The following LAMA2 variants were observed in gnomAD, a reference collection of about 807,000 sequenced individuals.
The protein encoded by LAMA2 is laminin subunit alpha-2.
Under a neutral mutation model 364.8 loss-of-function variants are expected in LAMA2, and 269 were observed. The observed-to-expected ratio is 0.74, with a 90% CI of 0.67 to 0.82. LAMA2 has a LOEUF of 0.82. Among genes scored for constraint, LAMA2 ranks in the 40% least tolerant of loss-of-function variants. The pLI is 0.00. For missense variants in LAMA2, 3,807 were observed against 3,873.2 expected, an observed-to-expected ratio of 0.98 and a Z score of 0.45; for synonymous variants, 1,379 against 1,370.6, an observed-to-expected ratio of 1.01 and a Z score of -0.14.
intron 35 of LAMA2, among the ~76,000 whole-genome samples, chr6:129,387,163 T>G (rs1181667540): frequency 6.6e-6 from 1 of 152,230 alleles, no homozygotes; most frequent in Admixed American, 6.5e-5. Context: ...CATGTTTTTA[T>G]TTTCCTTTTT....
At chr6:128,998,386 G>T (rs1474477083) in intron 1 of LAMA2, among the ~76,000 whole-genome samples, 1 of 69,146 alleles carries the variant, frequency 1.4e-5, no homozygotes, top group Non-Finnish European at 2.7e-5. Flanking sequence ...TATGATGACA[G>T]GGGGAGGAGC....
intron 3 of LAMA2, among the ~76,000 whole-genome samples, chr6:129,082,777 G>A (rs534396728): frequency 6.6e-6 from 1 of 151,858 alleles, no homozygotes; most frequent in Non-Finnish European, 1.5e-5. Flanking sequence ...ATAAAAGTAC[G>A]TTTCATCAAA....
rs761837666 is a variant in LAMA2, at chr6:129,516,227, G to C, written c.9249G>C (p.Pro3083=). 1.9e-6 allele frequency: 3 copies of C among 1,613,868 alleles called. No individual in the cohort carries two copies. Among genetic ancestry groups the C allele is most frequent in the Non-Finnish European group, 8.5e-7 (1 of 1,180,014 alleles). Residue 3083 remains proline (P), a synonymous_variant, in exon 65 of 65, where the codon CCG becomes CCC. Coordinates refer to ENST00000421865, the MANE Select transcript of LAMA2 (RefSeq NM_000426.4). ...LKQFGLTTSI[P]FRGCIRSLKL... Reference sequence around the variant, plus strand: ...AGTTTGGCCTAACAACCAGTATTCCGTTCCGAGGTTGCATCAGATCCCTGA... The same window carrying C: ...AGTTTGGCCTAACAACCAGTATTCCCTTCCGAGGTTGCATCAGATCCCTGA...
intron 1 of LAMA2, among the ~76,000 whole-genome samples, chr6:129,024,852 G>A (rs901366404): frequency 6.6e-6 from 1 of 152,108 alleles, no homozygotes; most frequent in African/African-American, 2.4e-5. Context: ...GGGAGGCGGA[G>A]ACAGGAGGAC....
At position 129,349,347 on chromosome 6, in the gene LAMA2, G is replaced by C; in HGVS notation, c.4486G>C (p.Ala1496Pro). The C allele has an allele frequency of 6.2e-7, 1 of 1,613,584 alleles. No individual in the cohort carries two copies. Among genetic ancestry groups the C allele is most frequent in the Non-Finnish European group, 8.5e-7 (1 of 1,179,608 alleles). The change falls in exon 31 of 65, where the codon GCT becomes CCT. Residue 1496 changes from alanine (A) to proline (P), a missense_variant. This residue lies in a region of LAMA2 where 3,333 missense variants were observed against 3,345.7 expected (regional missense o/e 1.00). Coordinates refer to ENST00000421865, the MANE Select transcript of LAMA2 (RefSeq NM_000426.4). ...AEGLDDYRCTACPRGYEGQYC... is the reference protein window; with the variant it reads ...AEGLDDYRCTPCPRGYEGQYC... ...AGGACTTGACGACTACCGCTGCACG[G>C]CTTGTCCACGGGGATATGAAGGCCA... is the stretch of plus-strand genomic sequence containing the variant.
intron 33 of LAMA2, among the ~76,000 whole-genome samples, chr6:129,369,598 A>G (rs375499255): frequency 1.3e-5 from 2 of 152,268 alleles, no homozygotes; most frequent in East Asian, 1.9e-4. Flanking sequence ...TTGCTCTTTC[A>G]TGAAATGGAA....
chr6:129,113,369 C>T (rs78839374), intron 4 of LAMA2, among the ~76,000 whole-genome samples: 1,580 of 152,078 alleles, frequency 0.01, 17 homozygotes, highest in Non-Finnish European at 0.016. Context: ...TGGATGTAGT[C>T]TTTTTGCTGG....
chr6:129,143,134 T>C (rs1301700657), intron 4 of LAMA2, among the ~76,000 whole-genome samples: 1 of 152,026 alleles, frequency 6.6e-6, no homozygotes, highest in Non-Finnish European at 1.5e-5. Context: ...TTGTTGGCAA[T>C]TTCTCAATTT....
intron 12 of LAMA2, among the ~76,000 whole-genome samples, chr6:129,195,710 T>G (rs1457001580): frequency 6.6e-6 from 1 of 152,208 alleles, no homozygotes; most frequent in Non-Finnish European, 1.5e-5. Flanking sequence ...TTCAAAATGC[T>G]TGGCAAATGT....
intron 12 of LAMA2, among the ~76,000 whole-genome samples, chr6:129,238,046 T>A (rs1036216637): frequency 6.7e-6 from 1 of 149,642 alleles, no homozygotes; most frequent in Non-Finnish European, 1.5e-5. Flanking sequence ...ACACCTATAA[T>A]TCCAGCTACT....
At chr6:129,330,491 A>G (rs1213386082) in intron 29 of LAMA2, among the ~76,000 whole-genome samples, 1 of 151,136 alleles carries the variant, frequency 6.6e-6, no homozygotes, top group Non-Finnish European at 1.5e-5. Context: ...CATCATTCTT[A>G]GTGATTTTAA....
At chr6:129,454,392 T>TTTAC in intron 47 of LAMA2, 104 bp downstream of exon 47, 4 of 891,752 alleles carry the variant, frequency 4.5e-6, no homozygotes, top group Non-Finnish European at 7.2e-6. Context: ...GGTAACTGTG[T>TTTAC]ATGCATGTAA....
chr6:129,225,036 T>C (rs1784149598), intron 12 of LAMA2, among the ~76,000 whole-genome samples: 1 of 152,236 alleles, frequency 6.6e-6, no homozygotes, highest in Non-Finnish European at 1.5e-5. Flanking sequence ...ATTCAGAGAT[T>C]CAACTTCTTC....
At chr6:128,974,878 G>C (rs544270493) in intron 1 of LAMA2, among the ~76,000 whole-genome samples, 3 of 147,906 alleles carry the variant, frequency 2.0e-5, no homozygotes, top group Non-Finnish European at 4.4e-5. Context: ...TTGAGAAGGA[G>C]TCTCACTCTG....
At chr6:129,219,030 G>C (rs140509354) in intron 12 of LAMA2, among the ~76,000 whole-genome samples, 1 of 152,184 alleles carries the variant, frequency 6.6e-6, no homozygotes, top group Non-Finnish European at 1.5e-5. Context: ...GTATAAGTTT[G>C]AGTTAAGACA....
chr6:129,117,103 CA>C (rs1203797108), intron 4 of LAMA2, among the ~76,000 whole-genome samples: 1 of 151,726 alleles, frequency 6.6e-6, no homozygotes, highest in African/African-American at 2.4e-5. Context: ...CAATTAGGGC[CA>C]AAAAAGAAAA....
chr6:129,395,418 A>G (rs568462145), intron 37 of LAMA2, among the ~76,000 whole-genome samples: 7 of 152,190 alleles, frequency 4.6e-5, no homozygotes, highest in Non-Finnish European at 1.0e-4. Flanking sequence ...TGTGTCAGTG[A>G]TGAGCCCCCT....
At chr6:129,265,970 T>G (rs1015790035) in intron 15 of LAMA2, among the ~76,000 whole-genome samples, 1 of 152,154 alleles carries the variant, frequency 6.6e-6, no homozygotes, top group Non-Finnish European at 1.5e-5. Context: ...CATAAATTTT[T>G]TTATGTGTTC....
At chr6:129,156,523 C>CTTT (rs199731028) in intron 8 of LAMA2, among the ~76,000 whole-genome samples, 2 of 136,312 alleles carry the variant, frequency 1.5e-5, no homozygotes. Flanking sequence ...TCCTTAATTT[C>CTTT]TTTTTTTTTT....
Sources: gnomAD v4.1 joint callset for allele counts (sites outside exome capture counted in the v4.1 genomes callset) on GRCh38, gnomAD v4.1.1 for gene constraint, gnomAD v4.1.1 regional missense constraint, MANE v1.5 for transcripts, NCBI Gene and HGNC (gene_info 2026-07-23, HGNC 2026-07-21) for gene names.